TBXT: variants seen among roughly 807,000 people sequenced by gnomAD.
TBXT encodes T brachyury transcription factor.
In TBXT, 19 loss-of-function variants were observed where a neutral mutation model predicts 41.1. The observed-to-expected ratio is 0.46, with a 90% confidence interval of 0.32 to 0.68. TBXT has a LOEUF of 0.68. Among genes scored for constraint, TBXT ranks in the 30% least tolerant of loss-of-function variants. The pLI, the probability that TBXT is intolerant of heterozygous loss-of-function variation, is 0.03. For synonymous variants in TBXT, 213 were observed against 238.9 expected, an observed-to-expected ratio of 0.89 and a Z score of 1.00; for missense variants, 536 against 582.0, an observed-to-expected ratio of 0.92 and a Z score of 0.81.
At position 166,166,865 on chromosome 6, in the gene TBXT, C is replaced by T. The variant is rs372828780; in HGVS notation, c.207-9G>A. The T allele has an allele frequency of 1.2e-5, 19 of 1,613,416 alleles. No homozygotes were observed. In the African/African-American group the frequency reaches 2.4e-4, roughly 20 times the overall value. ...GCACCGGAAACATCCTCCTGGAAAA[C>T]ACGGGGCGGGCGCAGGAGGACCCCG... On this transcript the variant is annotated splice_polypyrimidine_tract_variant and intron_variant, in intron 1 of 7. Coordinates refer to ENST00000366876, the MANE Select transcript of TBXT (RefSeq NM_001366285.2).
Position 166,157,946 on chromosome 6 carries a change from T to A in TBXT, c.*369A>T. The A allele has an allele frequency of 2.7e-6, 1 of 372,342 alleles. No homozygotes were observed. The highest frequency in any genetic ancestry group is 5.1e-6 in the Non-Finnish European group (1 of 196,860). 23.1% of individuals were successfully genotyped at this position (372,342 alleles called of 1,614,324 possible). A position where few individuals can be genotyped will look rare whatever the true frequency, so the allele number is the denominator to read the frequency against. ...TTTTATCTCACTAAAGTAGGACTGG[T>A]GGAGTTTACAAATTCTGGTGTGCCA... is the stretch of plus-strand genomic sequence containing the variant. On this transcript the variant is annotated 3_prime_UTR_variant, in exon 8 of 8. Coordinates refer to ENST00000366876, the MANE Select transcript of TBXT (RefSeq NM_001366285.2).
At chr6:166,164,323 C>T (rs1779046023) in intron 5 of TBXT, among the ~76,000 whole-genome samples, 1 of 152,244 alleles carries the variant, frequency 6.6e-6, no homozygotes, top group Admixed American at 6.5e-5. Flanking sequence ...AGAGTCCAAA[C>T]ACCCAGCTAG....
At position 166,161,727 on chromosome 6, in the gene TBXT, C is replaced by A. The variant is rs562323614; in HGVS notation, c.907+720G>T. Among the ~76,000 whole-genome samples, 5 of 152,284 alleles carry A rather than the reference C, an allele frequency of 3.3e-5. No individual in the cohort carries two copies. In the East Asian group the frequency reaches 9.7e-4, roughly 29 times the overall value. On this transcript the variant is annotated intron_variant, in intron 6 of 7. Transcript: ENST00000366876. ...CACGAGGTCAGAAGATCGAGACCAT[C>A]CTGGCTAACACGGTGAAACCCCGTC...
chr6:166,167,262 C>T (rs1328870111), intron 1 of TBXT, 124 bp downstream of exon 1: 2 of 1,105,184 alleles, frequency 1.8e-6, no homozygotes, highest in Non-Finnish European at 2.6e-6. Flanking sequence ...TTAACCAGAG[C>T]GGGAACAAAC....
At chr6:166,158,863 T>C (rs1778870423) in intron 7 of TBXT, among the ~76,000 whole-genome samples, 1 of 152,212 alleles carries the variant, frequency 6.6e-6, no homozygotes, top group African/African-American at 2.4e-5. Flanking sequence ...AGAGCGCTGT[T>C]AAGTTTCACT....
chr6:166,157,938 A>G lies in TBXT; in HGVS notation c.*377T>C. On this transcript the variant is annotated 3_prime_UTR_variant, in exon 8 of 8. Coordinates refer to ENST00000366876, the MANE Select transcript of TBXT (RefSeq NM_001366285.2). Reference sequence around the variant, plus strand: ...AGTGTGCTTTTTATCTCACTAAAGTAGGACTGGTGGAGTTTACAAATTCTG... The same window carrying G: ...AGTGTGCTTTTTATCTCACTAAAGTGGGACTGGTGGAGTTTACAAATTCTG... 2.8e-6 allele frequency: 1 copy of G among 360,784 alleles called. No homozygotes were observed. The highest frequency in any genetic ancestry group is 2.7e-5 in the South Asian group (1 of 37,160). The allele number at this position is 360,784 out of a possible 1,614,324, so 22.3% of individuals were successfully genotyped here. A position where few individuals can be genotyped will look rare whatever the true frequency, so the allele number is the denominator to read the frequency against.
At chr6:166,162,335 T>C in intron 6 of TBXT, 112 bp downstream of exon 6, 1 of 1,265,512 alleles carries the variant, frequency 7.9e-7, no homozygotes, top group Non-Finnish European at 1.1e-6. Context: ...TGGGTATGTG[T>C]TCCAGAAAAC....
Position 166,160,917 on chromosome 6 carries a change from G to A in TBXT, c.957C>T (p.Asp319=), listed in dbSNP as rs775760510. The part of the protein sequence containing the change: ...PACLSMLQSH[D]NWSSLGMPAH... ...CAGGCATTCCAAGGCTGGACCAATT[G>A]TCATGGGATTGCAGCATGGATAAAC... The change falls in exon 7 of 8, where the codon GAC becomes GAT. Residue 319 remains aspartate, a synonymous_variant. Transcript: ENST00000366876. 4 of 1,614,134 alleles carry A rather than the reference G, an allele frequency of 2.5e-6. No homozygotes were observed. The East Asian group carries it at 6.7e-5, about 27-fold the overall frequency.
chr6:166,161,478 T>C (rs1390398173), intron 6 of TBXT, among the ~76,000 whole-genome samples: 2 of 152,260 alleles, frequency 1.3e-5, no homozygotes, highest in Non-Finnish European at 2.9e-5. Context: ...TGTTTTATGG[T>C]ATTCTTTAGC....
In TBXT at chr6:166,167,377, C is replaced by T. The variant is rs1160750165; in HGVS notation, c.206+9G>A. 1 of 1,612,238 alleles carries T rather than the reference C, an allele frequency of 6.2e-7. No individual in the cohort carries two copies. The highest frequency in any genetic ancestry group is 1.1e-5 in the South Asian group (1 of 91,062). On this transcript the variant is annotated intron_variant, in intron 1 of 7. Coordinates refer to ENST00000366876, the MANE Select transcript of TBXT (RefSeq NM_001366285.2). The stretch of plus-strand genomic sequence containing the variant: ...GCGCGGCGCGCGCGGGCTCCGGACG[C>T]GCACCCACCTGCCGTTCTTGGTCAC...
At chr6:166,166,516 C>A in intron 2 of TBXT, 76 bp downstream of exon 2, 1 of 1,607,572 alleles carries the variant, frequency 6.2e-7, no homozygotes, top group Non-Finnish European at 8.5e-7. Flanking sequence ...GCGTCCCTTC[C>A]CACAACCCCC....
chr6:166,162,506 A>G lies in TBXT; in HGVS notation c.848T>C (p.Leu283Pro). 2.5e-6 allele frequency: 4 copies of G among 1,614,086 alleles called. No individual in the cohort carries two copies. The highest frequency in any genetic ancestry group is 3.4e-6 in the Non-Finnish European group (4 of 1,179,994). The stretch of plus-strand genomic sequence containing the variant: ...GTAGGGTGAGGACCGGTGGCTCCTC[A>G]GGGTTGGGTACCTGTCACAGCTGTG... ...STHSCDRYPT[L>P]RSHRSSPYPS... Residue 283 changes from leucine (L) to proline (P), a missense_variant, in exon 6 of 8, where the codon CTG (leucine) becomes CCG (proline). Physicochemically the swap from Leu to Pro is moderately conservative, Grantham distance 98. Coordinates refer to ENST00000366876, the MANE Select transcript of TBXT (RefSeq NM_001366285.2).
chr6:166,167,883 T>G, upstream of TBXT: 1 of 499,176 alleles, frequency 2.0e-6, no homozygotes, highest in Non-Finnish European at 3.7e-6. Flanking sequence ...TCCCCATAAA[T>G]AGAGCCGCGG....
At chr6:166,159,724 T>C (rs1430363787) in intron 7 of TBXT, among the ~76,000 whole-genome samples, 1 of 152,234 alleles carries the variant, frequency 6.6e-6, no homozygotes, top group Non-Finnish European at 1.5e-5. Flanking sequence ...CACCATACTG[T>C]TTTAAACAAG....
intron 7 of TBXT, among the ~76,000 whole-genome samples, chr6:166,160,074 G>C (rs2128521559): frequency 6.6e-6 from 1 of 152,268 alleles, no homozygotes; most frequent in Non-Finnish European, 1.5e-5. Flanking sequence ...TTAATTCCAG[G>C]CTCACTCTGC....
chr6:166,166,199 C>G (rs957814546), intron 2 of TBXT, among the ~76,000 whole-genome samples: 20 of 152,318 alleles, frequency 1.3e-4, no homozygotes, highest in South Asian at 6.2e-4. Context: ...CAATCCCCGA[C>G]TAAAGAATGT....
In TBXT at chr6:166,164,891, A is replaced by G. The variant is rs893645659; in HGVS notation, c.607-30T>C. 6.3e-6 allele frequency: 10 copies of G among 1,583,108 alleles called. No homozygotes were observed. The African/African-American group carries it at 1.2e-4, about 19-fold the overall frequency. On this transcript the variant is annotated intron_variant, in intron 3 of 7. Coordinates refer to ENST00000366876, the MANE Select transcript of TBXT (RefSeq NM_001366285.2). The stretch of plus-strand genomic sequence containing the variant: ...AAAACAAGAAATTGCATTTACTAGT[A>G]TATTCCCTATTAGCCAGGGGATTTA...
chr6:166,160,633 C>A (rs573566897), intron 7 of TBXT, among the ~76,000 whole-genome samples: 1 of 152,150 alleles, frequency 6.6e-6, no homozygotes, highest in Non-Finnish European at 1.5e-5. Context: ...GTCCTTCCAG[C>A]GAACAGACTG....
intron 5 of TBXT, among the ~76,000 whole-genome samples, chr6:166,164,066 C>T (rs997312425): frequency 2.6e-5 from 4 of 152,320 alleles, no homozygotes; most frequent in South Asian, 4.1e-4. Context: ...AGCGTTTCTC[C>T]CAACAAATGC....
Sources: gnomAD v4.1 joint callset for allele counts (sites outside exome capture counted in the v4.1 genomes callset) on GRCh38, gnomAD v4.1.1 for gene constraint, MANE v1.5 for transcripts, NCBI Gene and HGNC (gene_info 2026-07-23, HGNC 2026-07-21) for gene names.